The following GPC5 variants were observed in gnomAD, a reference collection of about 807,000 sequenced individuals.
The protein encoded by GPC5 is glypican-5.
GPC5 carries 47 observed loss-of-function variants against 53.9 expected under a neutral mutation model. The ratio of observed to expected loss-of-function variants is 0.87; its 90% CI spans 0.69 to 1.11. The LOEUF (loss-of-function observed/expected upper bound fraction) is 1.11, where lower values mean the gene tolerates loss of function less well. Ranked by LOEUF, GPC5 falls within the 50% of genes most tolerant of loss-of-function variation. The pLI, the probability that GPC5 is intolerant of heterozygous loss-of-function variation, is 0.00. For missense variants in GPC5, 748 were observed against 713.1 expected (o/e 1.05, Z -0.56); for synonymous variants, 286 against 263.3 (o/e 1.09, Z -0.84).
chr13:92,396,994 T>C (rs189570570), intron 7 of GPC5, among the ~76,000 whole-genome samples: 10 of 152,326 alleles, frequency 6.6e-5, no homozygotes, highest in Admixed American at 5.2e-4. Flanking sequence ...ACTGTTTCCC[T>C]CCATGTGCTA....
intron 6 of GPC5, among the ~76,000 whole-genome samples, chr13:92,074,848 A>C (rs1460639084): frequency 6.6e-6 from 1 of 152,196 alleles, no homozygotes; most frequent in Admixed American, 6.5e-5. Flanking sequence ...AGCTTTGCTT[A>C]AACTCTGCCA....
chr13:92,546,569 T>C (rs578234587), intron 7 of GPC5, among the ~76,000 whole-genome samples: 192 of 152,234 alleles, frequency 1.3e-3, no homozygotes, highest in African/African-American at 4.4e-3. Flanking sequence ...GAAGAATCAA[T>C]ATTGTGAAAA....
At chr13:92,465,304 A>C (rs780321662) in intron 7 of GPC5, among the ~76,000 whole-genome samples, 2 of 152,050 alleles carry the variant, frequency 1.3e-5, no homozygotes, top group Non-Finnish European at 2.9e-5. Flanking sequence ...AAATTCAAGA[A>C]ATTCTATTGG....
At chr13:91,738,886 A>G (rs1037570342) in intron 4 of GPC5, among the ~76,000 whole-genome samples, 1 of 151,448 alleles carries the variant, frequency 6.6e-6, no homozygotes, top group Admixed American at 6.6e-5. Context: ...GCTATATAAT[A>G]ATACTTACTT....
rs372578099 is a variant in GPC5 at position 92,492,385 on chromosome 13, C to T, written c.1561+347396C>T. Among the ~76,000 whole-genome samples the T allele has an allele frequency of 5.3e-5, 8 of 151,022 alleles. No individual in the cohort carries two copies. The East Asian group carries it at 9.7e-4, about 18-fold the overall frequency. On this transcript the variant is annotated intron_variant, in intron 7 of 7. Coordinates refer to ENST00000377067, the MANE Select transcript of GPC5 (RefSeq NM_004466.6). ...GGAGGGATAGCAATAGGAGATATACCTAATGTAAATGAGGAGTTAATGGGT... is the reference window on the plus strand; with the variant it reads ...GGAGGGATAGCAATAGGAGATATACTTAATGTAAATGAGGAGTTAATGGGT...
intron 7 of GPC5, among the ~76,000 whole-genome samples, chr13:92,620,836 T>C (rs1290393547): frequency 1.3e-5 from 2 of 152,206 alleles, no homozygotes; most frequent in African/African-American, 4.8e-5. Context: ...TCTTCCCATA[T>C]CACTATCTTT....
intron 2 of GPC5, among the ~76,000 whole-genome samples, chr13:91,639,175 T>C (rs936619493): frequency 2.6e-5 from 4 of 152,194 alleles, no homozygotes; most frequent in Non-Finnish European, 5.9e-5. Flanking sequence ...ATTTTAAAGT[T>C]TGTCTAAAGA....
chr13:92,399,068 C>T (rs1424867302), intron 7 of GPC5, among the ~76,000 whole-genome samples: 1 of 152,212 alleles, frequency 6.6e-6, no homozygotes, highest in East Asian at 1.9e-4. Context: ...CTAACCACCA[C>T]CCAAAAGACT....
At chr13:92,563,310 G>A (rs1882755379) in intron 7 of GPC5, among the ~76,000 whole-genome samples, 1 of 151,948 alleles carries the variant, frequency 6.6e-6, no homozygotes, top group Non-Finnish European at 1.5e-5. Flanking sequence ...CTATTTTTGT[G>A]TTAATTGTTC....
chr13:91,651,439 G>T (rs1180997147), intron 2 of GPC5, among the ~76,000 whole-genome samples: 5 of 152,086 alleles, frequency 3.3e-5, no homozygotes, highest in Non-Finnish European at 7.3e-5. Context: ...AAACATTTAT[G>T]CTGGGCACGG....
intron 7 of GPC5, among the ~76,000 whole-genome samples, chr13:92,160,867 T>G (rs1468969778): frequency 6.6e-6 from 1 of 152,176 alleles, no homozygotes; most frequent in Non-Finnish European, 1.5e-5. Context: ...TCCTTCACTA[T>G]TACTAATTTC....
chr13:91,594,812 G>C (rs749725949), intron 2 of GPC5, among the ~76,000 whole-genome samples: 1 of 151,738 alleles, frequency 6.6e-6, no homozygotes, highest in Non-Finnish European at 1.5e-5. Context: ...TCAAGAAGCT[G>C]GGACTAGAGG....
chr13:91,650,750 G>GTTTTTTTTTTTT (rs67507888), intron 2 of GPC5, among the ~76,000 whole-genome samples: 27 of 99,596 alleles, frequency 2.7e-4, no homozygotes, highest in African/African-American at 9.3e-4. Flanking sequence ...ATTCCCATAA[G>GTTTTTTTTTTTT]TTTTTTTTTT....
rs1555326089 is a variant in GPC5 at position 91,572,210 on chromosome 13, CGT to C, written c.326-120974_326-120973del. Among the ~76,000 whole-genome samples the C allele has an allele frequency of 7.6e-4, 64 of 83,878 alleles. 1 individual carries two copies. Among genetic ancestry groups the C allele is most frequent in the Middle Eastern group, 8.6e-3 (1 of 116 alleles). The allele number at this position is 83,878 out of a possible 152,430, so 55.0% of individuals were successfully genotyped here. On this transcript the variant is annotated intron_variant, in intron 2 of 7. Transcript: ENST00000377067. ...GTATACACACACATATGTATATATACGTGTATATATATACACATATGTATATA... is the reference window on the plus strand; with the variant it reads ...GTATACACACACATATGTATATATACGTATATATATACACATATGTATATA...
At chr13:92,832,770 G>A (rs967586167) in intron 7 of GPC5, among the ~76,000 whole-genome samples, 2 of 152,170 alleles carry the variant, frequency 1.3e-5, no homozygotes, top group African/African-American at 4.8e-5. Context: ...CACTTTGGGA[G>A]ACCAAGGTGG....
At chr13:92,304,788 G>A (rs1310416131) in intron 7 of GPC5, among the ~76,000 whole-genome samples, 1 of 152,044 alleles carries the variant, frequency 6.6e-6, no homozygotes, top group Admixed American at 6.6e-5. Context: ...TGGAAAATTT[G>A]TTTCTCTCCT....
chr13:92,370,068 T>C (rs1334623525), intron 7 of GPC5, among the ~76,000 whole-genome samples: 2 of 152,348 alleles, frequency 1.3e-5, no homozygotes, highest in South Asian at 2.1e-4. Flanking sequence ...CAAGGCTGAT[T>C]GGTTTCTTAG....
At chr13:92,071,646 A>G (rs2041212001) in intron 6 of GPC5, among the ~76,000 whole-genome samples, 1 of 151,936 alleles carries the variant, frequency 6.6e-6, no homozygotes. Flanking sequence ...TGTCATTCCA[A>G]AATGATGCTT....
chr13:91,621,687 T>G (rs777735676), intron 2 of GPC5, among the ~76,000 whole-genome samples: 4 of 150,158 alleles, frequency 2.7e-5, no homozygotes, highest in Non-Finnish European at 5.9e-5. Flanking sequence ...AAATGTTCTG[T>G]GTAACATTCA....
Sources: allele counts gnomAD v4.1 joint callset (sites outside exome capture counted in the v4.1 genomes callset), GRCh38; gene constraint gnomAD v4.1.1; transcripts MANE v1.5; gene names NCBI Gene and HGNC (gene_info 2026-07-23, HGNC 2026-07-21).